Variants in TNP2 observed in about 807,000 individuals in gnomAD.
TNP2 encodes transition protein 2.
Under a neutral mutation model 8.5 loss-of-function variants are expected in TNP2, and 10 were observed. That is an observed-to-expected ratio of 1.17 (90% CI 0.72 to 1.99). The LOEUF is 1.99. TNP2 is among the 30% of genes most tolerant of loss of function. TNP2 has a pLI of 0.00. For synonymous variants in TNP2, 80 were observed against 62.3 expected (o/e 1.28, Z -1.34); for missense variants, 222 against 181.2 (o/e 1.23, Z -1.29).
Position 11,269,048 on chromosome 16 carries a change from C to G in TNP2, c.215G>C (p.Ser72Thr), listed in dbSNP as rs765835576. ...CTTTGGTGGTGGACTAGTGTTGGGA[C>G]TCTGGCTCTGGTGGCCGGATGAGCT... ...AHSSSGHQSQSPNTSPPPKRH... is the reference protein window; with the variant it reads ...AHSSSGHQSQTPNTSPPPKRH... The change falls in exon 1 of 2, where the codon AGT (serine) becomes ACT (threonine). Residue 72 changes from serine to threonine, a missense_variant. Physicochemically the swap from Ser to Thr is moderately conservative, Grantham distance 58 (BLOSUM62 1). Coordinates refer to ENST00000312693, the MANE Select transcript of TNP2 (RefSeq NM_005425.5). 1.9e-6 allele frequency: 3 copies of G among 1,613,922 alleles called. No individual in the cohort carries two copies. The highest frequency in any genetic ancestry group is 2.2e-5 in the East Asian group (1 of 44,878).
At chr16:11,268,058 C>G in intron 1 of TNP2, 46 bp from the exon 2 acceptor site, 1 of 1,600,828 alleles carries the variant, frequency 6.2e-7, no homozygotes, top group Non-Finnish European at 8.5e-7. Context: ...CTGAGCACTT[C>G]ATGAAGTCAG....
chr16:11,269,284 C>A lies in TNP2; in HGVS notation c.-22G>T, dbSNP rs751445628. On this transcript the variant is annotated 5_prime_UTR_variant, in exon 1 of 2. Coordinates refer to ENST00000312693, the MANE Select transcript of TNP2 (RefSeq NM_005425.5). ...CCATAGGAGGCCACGTTTGGAGGGGCAGGGCCTCCTCCTCATCCTCTCCCA... is the reference window on the plus strand; with the variant it reads ...CCATAGGAGGCCACGTTTGGAGGGGAAGGGCCTCCTCCTCATCCTCTCCCA... The A allele has an allele frequency of 6.3e-7, 1 of 1,586,016 alleles. No homozygotes were observed. Among genetic ancestry groups the A allele is most frequent in the East Asian group, 2.2e-5 (1 of 44,766 alleles).
rs201982621 is a variant in TNP2 at position 11,268,976 on chromosome 16, G to A, written c.287C>T (p.Thr96Ile). 97 of 1,613,880 alleles carry A rather than the reference G, an allele frequency of 6.0e-5. No homozygotes were observed. Among genetic ancestry groups the A allele is most frequent in the Non-Finnish European group, 7.7e-5 (91 of 1,179,872 alleles). Reference protein sequence around the residue: ...MNSHHSPMRPTILHCRCPKNR... With the variant: ...MNSHHSPMRPIILHCRCPKNR... Reference sequence around the variant, plus strand: ...CTTGGGGCAGCGGCAGTGCAGGATGGTGGGCCGCATGGGAGAGTGGTGGGA... The same window carrying A: ...CTTGGGGCAGCGGCAGTGCAGGATGATGGGCCGCATGGGAGAGTGGTGGGA... The change falls in exon 1 of 2, where the codon ACC (threonine) becomes ATC (isoleucine). Residue 96 changes from threonine to isoleucine, a missense_variant. By Grantham distance (89) the Thr-to-Ile change is moderately conservative. Transcript: ENST00000312693.
rs752617341 is a variant in TNP2 at position 11,269,070 on chromosome 16, AGCTGTGG to A, written c.186_192del (p.Ser64ProfsTer21). The A allele has an allele frequency of 1.9e-6, 3 of 1,613,542 alleles. No individual in the cohort carries two copies. In the Admixed American group the frequency reaches 5.0e-5, roughly 27 times the overall value. On this transcript the variant is annotated frameshift_variant, in exon 1 of 2. Transcript: ENST00000312693. LOFTEE classifies it high-confidence loss of function. ...GGACTCTGGCTCTGGTGGCCGGATGAGCTGTGGGCTCCAGTTGGGTTGCGGTGGCTGG... is the reference window on the plus strand; with the variant it reads ...GGACTCTGGCTCTGGTGGCCGGATGAGCTCCAGTTGGGTTGCGGTGGCTGG...
chr16:11,269,225 G>T lies in TNP2; in HGVS notation c.38C>A (p.Thr13Asn). Residue 13 changes from threonine to asparagine, a missense_variant, in exon 1 of 2, where the codon ACT becomes AAT. Coordinates refer to ENST00000312693, the MANE Select transcript of TNP2 (RefSeq NM_005425.5). ...TQTHSLPITH[T>N]QLHSNSQPQS... ...GGGCTGAGAGTTGCTATGGAGCTGA[G>T]TGTGGGTGATAGGAAGGCTGTGAGT... 1 of 1,606,220 alleles carries T rather than the reference G, an allele frequency of 6.2e-7. No individual in the cohort carries two copies. The highest frequency in any genetic ancestry group is 8.5e-7 in the Non-Finnish European group (1 of 1,179,830).
At position 11,269,243 on chromosome 16, in the gene TNP2, C is replaced by T. The variant is rs2069754789; in HGVS notation, c.20G>A (p.Ser7Asn). ...GAGCTGAGTGTGGGTGATAGGAAGGCTGTGAGTCTGGGTGTCCATAGGAGG... is the reference window on the plus strand; with the variant it reads ...GAGCTGAGTGTGGGTGATAGGAAGGTTGTGAGTCTGGGTGTCCATAGGAGG... MDTQTH[S>N]LPITHTQLHS... The change falls in exon 1 of 2, where the codon AGC becomes AAC. Residue 7 changes from serine to asparagine, a missense_variant. Coordinates refer to ENST00000312693, the MANE Select transcript of TNP2 (RefSeq NM_005425.5). The T allele has an allele frequency of 6.2e-7, 1 of 1,602,576 alleles. No individual in the cohort carries two copies. The highest frequency in any genetic ancestry group is 1.7e-5 in the Admixed American group (1 of 59,978).
Position 11,268,026 on chromosome 16 carries a change from G to A in TNP2, c.401-14C>T, listed in dbSNP as rs1399885962. 1.9e-6 allele frequency: 3 copies of A among 1,612,274 alleles called. No individual in the cohort carries two copies. The African/African-American group carries it at 4.0e-5, about 22-fold the overall frequency. ...TGGATTTCCATCCTAAGGGATAAGAGTGGGAAAGGAACCTTTAATAGCTGA... is the reference window on the plus strand; with the variant it reads ...TGGATTTCCATCCTAAGGGATAAGAATGGGAAAGGAACCTTTAATAGCTGA... On this transcript the variant is annotated splice_polypyrimidine_tract_variant and intron_variant, in intron 1 of 1. Coordinates refer to ENST00000312693, the MANE Select transcript of TNP2 (RefSeq NM_005425.5).
chr16:11,268,983 G>T lies in TNP2; in HGVS notation c.280C>A (p.Arg94=), dbSNP rs750517920. The stretch of plus-strand genomic sequence containing the variant: ...CAGCGGCAGTGCAGGATGGTGGGCC[G>T]CATGGGAGAGTGGTGGGAGTTCATA... ...KTMNSHHSPM[R]PTILHCRCPK... Residue 94 remains arginine, a synonymous_variant, in exon 1 of 2, where the codon CGG becomes AGG. Transcript: ENST00000312693. 3.7e-6 allele frequency: 6 copies of T among 1,613,772 alleles called. No individual in the cohort carries two copies. The highest frequency in any genetic ancestry group is 1.1e-5 in the South Asian group (1 of 91,066).
intron 1 of TNP2, 177 bp downstream of exon 1, chr16:11,268,686 C>G (rs2069742669): frequency 1.6e-6 from 1 of 628,026 alleles, no homozygotes; most frequent in Admixed American, 3.7e-5. Context: ...TTCAAAGAGA[C>G]TTTCCGTCAA....
At chr16:11,268,737 TCTCC>T in intron 1 of TNP2, 122 bp downstream of exon 1, 5 of 1,032,754 alleles carry the variant, frequency 4.8e-6, no homozygotes, top group Non-Finnish European at 6.7e-6. Context: ...TTGTTTCTCT[TCTCC>T]CTCTTCCTTC....
At position 11,269,253 on chromosome 16, in the gene TNP2, G is replaced by A. The variant is rs866437196; in HGVS notation, c.10C>T (p.Gln4Ter). The A allele has an allele frequency of 6.2e-7, 1 of 1,601,364 alleles. No individual in the cohort carries two copies. Among genetic ancestry groups the A allele is most frequent in the African/African-American group, 1.3e-5 (1 of 75,040 alleles). ...TGGGTGATAGGAAGGCTGTGAGTCT[G>A]GGTGTCCATAGGAGGCCACGTTTGG... is the stretch of plus-strand genomic sequence containing the variant. The part of the protein sequence containing the change: MDT[Q>*]THSLPITHTQ... Residue 4 changes from glutamine to a stop codon, truncating the protein, a stop_gained, in exon 1 of 2, where the codon CAG (glutamine) becomes TAG (stop). Coordinates refer to ENST00000312693, the MANE Select transcript of TNP2 (RefSeq NM_005425.5). LOFTEE classifies it high-confidence loss of function.
intron 1 of TNP2, 97 bp from the exon 2 acceptor site, chr16:11,268,109 T>G: frequency 8.6e-7 from 1 of 1,165,970 alleles, no homozygotes; most frequent in Non-Finnish European, 1.3e-6. Context: ...AACTACTCAT[T>G]TGTGATTGAA....
In TNP2 at chr16:11,268,937, A is replaced by G. The variant is rs372379866; in HGVS notation, c.326T>C (p.Leu109Ser). The G allele has an allele frequency of 7.0e-5, 113 of 1,609,730 alleles. 1 individual carries two copies. The African/African-American group carries it at 1.3e-3, about 19-fold the overall frequency. Reference protein sequence around the residue: ...HCRCPKNRKNLEGKLKKKKMA... With the variant: ...HCRCPKNRKNSEGKLKKKKMA... ...TTTTTTCTTTTTCAGCTTGCCTTCC[A>G]AGTTCTTTCTGTTCTTGGGGCAGCG... Residue 109 changes from leucine to serine, a missense_variant, in exon 1 of 2, where the codon TTG becomes TCG. Coordinates refer to ENST00000312693, the MANE Select transcript of TNP2 (RefSeq NM_005425.5).
In TNP2 at chr16:11,267,875, C is replaced by A. The variant is rs1258105405; in HGVS notation, c.*121G>T. 13 of 1,106,572 alleles carry A rather than the reference C, an allele frequency of 1.2e-5. No individual in the cohort carries two copies. The highest frequency in any genetic ancestry group is 1.7e-5 in the Non-Finnish European group (13 of 761,312). 68.5% of individuals were successfully genotyped at this position (1,106,572 alleles called of 1,614,324 possible). A position where few individuals can be genotyped will look rare whatever the true frequency, so the allele number is the denominator to read the frequency against. On this transcript the variant is annotated 3_prime_UTR_variant, in exon 2 of 2. Transcript: ENST00000312693. ...TCAGGGATAGTCTTCCAGGTACAAG[C>A]TTTAATTAGTGTTGCGTAGAAATCA... is the stretch of plus-strand genomic sequence containing the variant.
Position 11,269,079 on chromosome 16 carries a change from C to T in TNP2, c.184G>A (p.Ala62Thr). Residue 62 changes from alanine to threonine, a missense_variant, in exon 1 of 2, where the codon GCC becomes ACC. Physicochemically the swap from Ala to Thr is moderately conservative, Grantham distance 58. Transcript: ENST00000312693. ...SPASHRNPTG[A>T]HSSSGHQSQS... ...CTCTGGTGGCCGGATGAGCTGTGGG[C>T]TCCAGTTGGGTTGCGGTGGCTGGCC... The T allele has an allele frequency of 6.2e-7, 1 of 1,613,974 alleles. No individual in the cohort carries two copies. Among genetic ancestry groups the T allele is most frequent in the East Asian group, 2.2e-5 (1 of 44,878 alleles).
At chr16:11,268,556 A>G (rs117620022) in intron 1 of TNP2, 431 of 427,040 alleles carry the variant, frequency 1.0e-3, no homozygotes, top group Non-Finnish European at 1.6e-3. Context: ...TATCCTTTCT[A>G]TAACCTATTT....
intron 1 of TNP2, 78 bp from the exon 2 acceptor site, chr16:11,268,090 A>G: frequency 7.2e-7 from 1 of 1,389,554 alleles, no homozygotes; most frequent in Non-Finnish European, 1.0e-6. Context: ...ACCTCCTGTA[A>G]GGTCTTACAA....
intron 1 of TNP2, chr16:11,268,299 C>T (rs1414882610): frequency 5.1e-6 from 2 of 393,814 alleles, no homozygotes; most frequent in Non-Finnish European, 9.3e-6. Flanking sequence ...CTATTCTTCT[C>T]TCTGTTTATT....
chr16:11,269,320 C>T lies in TNP2; in HGVS notation c.-58G>A. ...CCTCATCCTCTCCCAGCAGGCCTAGCTTTACAGAGGCCCTGGCAGCCCACC... is the reference window on the plus strand; with the variant it reads ...CCTCATCCTCTCCCAGCAGGCCTAGTTTTACAGAGGCCCTGGCAGCCCACC... On this transcript the variant is annotated 5_prime_UTR_variant, in exon 1 of 2. Coordinates refer to ENST00000312693, the MANE Select transcript of TNP2 (RefSeq NM_005425.5). 1 of 1,541,084 alleles carries T rather than the reference C, an allele frequency of 6.5e-7. No individual in the cohort carries two copies. Among genetic ancestry groups the T allele is most frequent in the Non-Finnish European group, 8.7e-7 (1 of 1,151,076 alleles).
Sources: gnomAD v4.1 joint callset for allele counts on GRCh38, gnomAD v4.1.1 for gene constraint, MANE v1.5 for transcripts, NCBI Gene and HGNC (gene_info 2026-07-23, HGNC 2026-07-21) for gene names.